Variants in GFOD1 observed in about 807,000 individuals in gnomAD.
GFOD1 encodes glucose-fructose oxidoreductase domain-containing protein 1.
A neutral mutation model predicts 25.4 loss-of-function variants in GFOD1; 9 were observed. That is an observed-to-expected ratio of 0.35 (90% CI 0.21 to 0.62). GFOD1 has a LOEUF of 0.62. Among genes scored for constraint, GFOD1 ranks in the 20% least tolerant of loss-of-function variants. GFOD1 has a pLI of 0.72. For missense variants in GFOD1, 403 were observed against 556.9 expected (o/e 0.72, Z 2.78); for synonymous variants, 253 against 245.6 (o/e 1.03, Z -0.28).
intron 1 of GFOD1, among the ~76,000 whole-genome samples, chr6:13,415,642 C>A (rs1786151323): frequency 6.6e-6 from 1 of 152,160 alleles, no homozygotes; most frequent in Admixed American, 6.5e-5. Context: ...GACAGCAGAC[C>A]TTCTATGTGT....
chr6:13,474,834 C>T (rs566639696), intron 1 of GFOD1, among the ~76,000 whole-genome samples: 2 of 152,324 alleles, frequency 1.3e-5, no homozygotes, highest in East Asian at 1.9e-4. Context: ...TGGATTCTCA[C>T]AGCCCTGGGC....
chr6:13,376,710 C>A (rs999824851), intron 1 of GFOD1, among the ~76,000 whole-genome samples: 4 of 152,212 alleles, frequency 2.6e-5, no homozygotes, highest in Non-Finnish European at 4.4e-5. Flanking sequence ...GTCAGCCTGG[C>A]TGTTGAGAAA....
At chr6:13,440,869 C>T (rs867272902) in intron 1 of GFOD1, among the ~76,000 whole-genome samples, 1 of 152,170 alleles carries the variant, frequency 6.6e-6, no homozygotes, top group Non-Finnish European at 1.5e-5. Flanking sequence ...GTGTGTCTGT[C>T]CTGCTCTGGA....
chr6:13,410,576 A>AC (rs1786054797), intron 1 of GFOD1, among the ~76,000 whole-genome samples: 1 of 73,274 alleles, frequency 1.4e-5, no homozygotes, highest in African/African-American at 6.6e-5. Context: ...AAAGAAAGAA[A>AC]GGAGAGAGAG....
At chr6:13,411,538 TGCCTCA>T (rs1331316404) in intron 1 of GFOD1, among the ~76,000 whole-genome samples, 1 of 152,126 alleles carries the variant, frequency 6.6e-6, no homozygotes, top group Non-Finnish European at 1.5e-5. Context: ...GTGATCCACC[TGCCTCA>T]GCCTCCCAAA....
At chr6:13,427,451 G>A (rs1757659072) in intron 1 of GFOD1, among the ~76,000 whole-genome samples, 1 of 152,162 alleles carries the variant, frequency 6.6e-6, no homozygotes, top group Non-Finnish European at 1.5e-5. Context: ...CTTGAGCCCA[G>A]GAGTTTGAAA....
At chr6:13,445,740 C>T (rs1206386391) in intron 1 of GFOD1, among the ~76,000 whole-genome samples, 1 of 152,204 alleles carries the variant, frequency 6.6e-6, no homozygotes, top group Admixed American at 6.5e-5. Context: ...TTAATGCTGC[C>T]ACTTAGAAGA....
At chr6:13,383,138 A>G (rs1159067113) in intron 1 of GFOD1, among the ~76,000 whole-genome samples, 2 of 152,250 alleles carry the variant, frequency 1.3e-5, no homozygotes, top group African/African-American at 4.8e-5. Context: ...ATATGCATGC[A>G]TGTATCTTTG....
At chr6:13,464,861 CGTGTGTGTGTGTGTGTGTGTGTGT>C (rs36218477) in intron 1 of GFOD1, among the ~76,000 whole-genome samples, 56 of 146,868 alleles carry the variant, frequency 3.8e-4, no homozygotes, top group African/African-American at 1.3e-3. Flanking sequence ...TTCCTCTTTC[CGTGTGTGTGTGTGTGTGTGTGTGT>C]GTGTGTGTGT....
chr6:13,370,441 C>T (rs191719242), intron 1 of GFOD1, among the ~76,000 whole-genome samples: 2 of 152,206 alleles, frequency 1.3e-5, no homozygotes, highest in African/African-American at 4.8e-5. Flanking sequence ...CCTTCCAGTT[C>T]CAAAAGGAAC....
intron 1 of GFOD1, among the ~76,000 whole-genome samples, chr6:13,392,376 A>C (rs971800525): frequency 2.6e-5 from 4 of 151,832 alleles, no homozygotes; most frequent in African/African-American, 9.7e-5. Context: ...AAAGAGAAAA[A>C]AGAAAATCTG....
intron 1 of GFOD1, among the ~76,000 whole-genome samples, chr6:13,485,775 G>T (rs968822278): frequency 1.3e-5 from 2 of 152,180 alleles, no homozygotes; most frequent in Non-Finnish European, 2.9e-5. Flanking sequence ...TCCTGAAGGC[G>T]ATTAGGGAGG....
Position 13,487,214 on chromosome 6 carries a change from G to C in GFOD1, c.-324C>G. On this transcript the variant is annotated 5_prime_UTR_variant, in exon 1 of 2. Transcript: ENST00000379287. The surrounding 1 kb of genome is among the most constrained non-coding windows in gnomAD (Gnocchi z 4.9). ...GCCCCGGCTCAGGCTGCGCTCCCGC[G>C]GCAGCGCCAGTCCGCTGCGTGCGCC... 1 of 281,732 alleles carries C rather than the reference G, an allele frequency of 3.5e-6. No homozygotes were observed. Among genetic ancestry groups the C allele is most frequent in the Non-Finnish European group, 6.6e-6 (1 of 152,400 alleles). 17.5% of individuals were successfully genotyped at this position (281,732 alleles called of 1,614,324 possible). A position where few individuals can be genotyped will look rare whatever the true frequency, so the allele number is the denominator to read the frequency against.
At chr6:13,435,810 T>C (rs1333373049) in intron 1 of GFOD1, among the ~76,000 whole-genome samples, 1 of 152,240 alleles carries the variant, frequency 6.6e-6, no homozygotes, top group Non-Finnish European at 1.5e-5. Flanking sequence ...AAGTTGGGTT[T>C]CTTCTCCAGC....
Position 13,360,780 on chromosome 6 carries a change from G to T in GFOD1, c.*3963C>A. ...TGAGTGGAGCCGCAGGTTAGTCCAT[G>T]CTTGTCACAGTCCTTCCTGGGTGTG... On this transcript the variant is annotated 3_prime_UTR_variant, in exon 2 of 2. Transcript: ENST00000379287. 2.2e-6 allele frequency: 1 copy of T among 456,748 alleles called. No homozygotes were observed. The highest frequency in any genetic ancestry group is 1.5e-5 in the South Asian group (1 of 64,570). The allele number at this position is 456,748 out of a possible 1,614,324, so 28.3% of individuals were successfully genotyped here.
chr6:13,466,273 TAGAC>T (rs1194472761), intron 1 of GFOD1, among the ~76,000 whole-genome samples: 1 of 152,216 alleles, frequency 6.6e-6, no homozygotes, highest in Non-Finnish European at 1.5e-5. Flanking sequence ...TAGAAGATAA[TAGAC>T]AGAAAAGATG....
At chr6:13,398,608 G>A (rs1387738800) in intron 1 of GFOD1, among the ~76,000 whole-genome samples, 5 of 152,150 alleles carry the variant, frequency 3.3e-5, no homozygotes, top group Admixed American at 6.5e-5. Flanking sequence ...AGCTCACATC[G>A]GGTGTTTAGT....
chr6:13,403,799 T>C (rs1348852804), intron 1 of GFOD1, among the ~76,000 whole-genome samples: 2 of 152,358 alleles, frequency 1.3e-5, no homozygotes, highest in East Asian at 1.9e-4. Context: ...GTTTCATTTA[T>C]ATAAAATCTC....
At chr6:13,384,985 T>C (rs1785436053) in intron 1 of GFOD1, among the ~76,000 whole-genome samples, 1 of 152,172 alleles carries the variant, frequency 6.6e-6, no homozygotes, top group African/African-American at 2.4e-5. Flanking sequence ...GACTCACAGA[T>C]CCAGAAGGCA....
Sources: gnomAD v4.1 joint callset for allele counts (sites outside exome capture counted in the v4.1 genomes callset) on GRCh38, gnomAD v4.1.1 for gene constraint, Gnocchi (gnomAD v3.1) non-coding constraint, MANE v1.5 for transcripts, NCBI Gene and HGNC (gene_info 2026-07-23, HGNC 2026-07-21) for gene names.